XPO1: variants seen among roughly 807,000 people sequenced by gnomAD.
The protein encoded by XPO1 is exportin-1.
A neutral mutation model predicts 133.3 loss-of-function variants in XPO1; 5 were observed. The ratio of observed to expected loss-of-function variants is 0.04; its 90% confidence interval spans 0.02 to 0.08. XPO1 has a LOEUF of 0.08. XPO1 is among the 10% of genes least tolerant of loss of function. The pLI is 1.00. For synonymous variants in XPO1, 419 were observed against 408.2 expected (o/e 1.03, Z -0.32); for missense variants, 506 against 1,267.5 (o/e 0.40, Z 9.12).
At position 61,482,033 on chromosome 2, in the gene XPO1, C is replaced by CTTTTTTTTT. The variant is rs1491506588; in HGVS notation, c.2972+346_2972+347insAAAAAAAAA. Among the ~76,000 whole-genome samples, 386 of 86,776 alleles carry CTTTTTTTTT rather than the reference C, an allele frequency of 4.4e-3. 77 individuals carry two copies. Among genetic ancestry groups the CTTTTTTTTT allele is most frequent in the East Asian group, 0.029 (79 of 2,682 alleles). 56.9% of individuals were successfully genotyped at this position (86,776 alleles called of 152,430 possible). On this transcript the variant is annotated intron_variant, in intron 23 of 24. Coordinates refer to ENST00000401558, the MANE Select transcript of XPO1 (RefSeq NM_003400.4). ...TACAGTCATGAGCCACCGTGCGTGG[C>CTTTTTTTTT]CTTTTTTTTTTTTTTTTTTTTTTTG...
chr2:61,490,510 T>C, intron 17 of XPO1, 132 bp downstream of exon 17: 1 of 1,298,958 alleles, frequency 7.7e-7, no homozygotes, highest in Non-Finnish European at 1.1e-6. Flanking sequence ...AGATAATAAA[T>C]TATAGAAAGA....
At chr2:61,502,746 TAAAAA>T (rs11365993) in intron 4 of XPO1, 1 of 150,580 alleles carries the variant, frequency 6.6e-6, no homozygotes, top group Non-Finnish European at 1.5e-5. Flanking sequence ...GAGCAAGACT[TAAAAA>T]AAAAAAATCA....
At chr2:61,528,283 G>A (rs904495044) in intron 2 of XPO1, among the ~76,000 whole-genome samples, 4 of 151,996 alleles carry the variant, frequency 2.6e-5, no homozygotes, top group African/African-American at 9.7e-5. Context: ...CACGGCATGT[G>A]TGTAAATTTC....
chr2:61,486,647 G>A (rs1027592382), intron 19 of XPO1, among the ~76,000 whole-genome samples: 1 of 151,966 alleles, frequency 6.6e-6, no homozygotes, highest in Non-Finnish European at 1.5e-5. Flanking sequence ...AGTAGAGACG[G>A]GGTGTTTCAC....
chr2:61,483,155 G>C, intron 21 of XPO1, 64 bp from the exon 22 acceptor site: 3 of 1,522,650 alleles, frequency 2.0e-6, no homozygotes, highest in Non-Finnish European at 2.6e-6. Flanking sequence ...ATAGTATTTA[G>C]CTCTTATCAA....
At chr2:61,488,450 T>G (rs1160313799) in intron 18 of XPO1, 138 bp downstream of exon 18, 4 of 1,155,532 alleles carry the variant, frequency 3.5e-6, no homozygotes, top group Non-Finnish European at 3.7e-6. Flanking sequence ...CACTTAACTG[T>G]TTTAAATATG....
At chr2:61,505,189 C>G (rs1697737260) in intron 4 of XPO1, among the ~76,000 whole-genome samples, 1 of 151,670 alleles carries the variant, frequency 6.6e-6, no homozygotes, top group Non-Finnish European at 1.5e-5. Context: ...TTTTCCTGGT[C>G]TCATTGTTGC....
chr2:61,529,816 A>T (rs551294857), intron 2 of XPO1, among the ~76,000 whole-genome samples: 46 of 152,256 alleles, frequency 3.0e-4, no homozygotes, highest in African/African-American at 1.1e-3. Context: ...CACACTCAAT[A>T]ACTTATATGG....
At chr2:61,528,353 G>A (rs980349842) in intron 2 of XPO1, among the ~76,000 whole-genome samples, 3 of 152,148 alleles carry the variant, frequency 2.0e-5, no homozygotes, top group Non-Finnish European at 1.5e-5. Context: ...AAATCTTTTA[G>A]GCTGGGCACG....
intron 4 of XPO1, among the ~76,000 whole-genome samples, chr2:61,514,101 C>A (rs187064658): frequency 6.6e-6 from 1 of 151,494 alleles, no homozygotes; most frequent in African/African-American, 2.4e-5. Context: ...ACAGGAGAAT[C>A]GCTTGAACCC....
At chr2:61,495,748 T>A in intron 10 of XPO1, 135 bp from the exon 11 acceptor site, 1 of 835,468 alleles carries the variant, frequency 1.2e-6, no homozygotes, top group Non-Finnish European at 1.6e-6. Flanking sequence ...CAAAGCTCAC[T>A]GCAGCCTCCA....
chr2:61,504,887 AT>A (rs1223077584), intron 4 of XPO1, among the ~76,000 whole-genome samples: 4 of 152,266 alleles, frequency 2.6e-5, no homozygotes, highest in Non-Finnish European at 5.9e-5. Context: ...TACGAAAAAA[AT>A]ATTACTAATG....
At position 61,481,507 on chromosome 2, in the gene XPO1, G is replaced by A. The variant is rs1696355504; in HGVS notation, c.2973-226C>T. Among the ~76,000 whole-genome samples the A allele has an allele frequency of 2.0e-5, 3 of 151,958 alleles. No homozygotes were observed. In the Middle Eastern group the frequency reaches 0.01, roughly 517 times the overall value. ...CAAAGTTTTGCTCGTTTACCAGGTT[G>A]GAGTACAATCGCACAATCGCGGCTC... On this transcript the variant is annotated intron_variant, in intron 23 of 24. Coordinates refer to ENST00000401558, the MANE Select transcript of XPO1 (RefSeq NM_003400.4).
chr2:61,497,218 A>G (rs1355388246), intron 9 of XPO1, among the ~76,000 whole-genome samples: 1 of 152,064 alleles, frequency 6.6e-6, no homozygotes, highest in Admixed American at 6.6e-5. Flanking sequence ...TTAGGAGCAA[A>G]CTTTTTTTGT....
chr2:61,498,711 T>C lies in XPO1; in HGVS notation c.721A>G (p.Ile241Val). 6.2e-7 allele frequency: 1 copy of C among 1,614,068 alleles called. No individual in the cohort carries two copies. Among genetic ancestry groups the C allele is most frequent in the Non-Finnish European group, 8.5e-7 (1 of 1,180,000 alleles). Residue 241 changes from isoleucine to valine, a missense_variant, in exon 9 of 25, where the codon ATT (isoleucine) becomes GTT (valine). Ile to Val is a conservative substitution (Grantham distance 29). Around this residue, in one of 6 missense-constraint regions of XPO1, gnomAD observed 134 missense variants for 261.6 expected, o/e 0.51. Coordinates refer to ENST00000401558, the MANE Select transcript of XPO1 (RefSeq NM_003400.4). Reference sequence around the variant, plus strand: ...GTGCTGATTAATTTGGTCTCAAAAATATATCCCAGGGGAATCCAGTTCAGA... The same window carrying C: ...GTGCTGATTAATTTGGTCTCAAAAACATATCCCAGGGGAATCCAGTTCAGA... ...RFLNWIPLGY[I>V]FETKLISTLI... is the part of the protein sequence containing the mutation.
At chr2:61,483,561 G>C (rs1044673383) in intron 21 of XPO1, 1 of 182,780 alleles carries the variant, frequency 5.5e-6, no homozygotes, top group African/African-American at 2.4e-5. Flanking sequence ...AATAAAAAAA[G>C]AACCTCATGA....
At chr2:61,509,041 C>G (rs1398065834) in intron 4 of XPO1, among the ~76,000 whole-genome samples, 1 of 152,108 alleles carries the variant, frequency 6.6e-6, no homozygotes. Flanking sequence ...ATTCTTGTGG[C>G]CCAGGCTGGA....
At chr2:61,483,795 G>T in intron 21 of XPO1, 142 bp downstream of exon 21, 2 of 934,858 alleles carry the variant, frequency 2.1e-6, no homozygotes, top group Non-Finnish European at 3.2e-6. Flanking sequence ...TGATTAAACT[G>T]CTTATAGGAT....
intron 16 of XPO1, among the ~76,000 whole-genome samples, chr2:61,491,097 C>T (rs891802319): frequency 1.5e-4 from 23 of 151,964 alleles, no homozygotes; most frequent in African/African-American, 4.8e-4. Context: ...TGCAGTGAGC[C>T]GAGATTGCAA....
Sources: gnomAD v4.1 joint callset for allele counts (sites outside exome capture counted in the v4.1 genomes callset) on GRCh38, gnomAD v4.1.1 for gene constraint, gnomAD v4.1.1 regional missense constraint, MANE v1.5 for transcripts, NCBI Gene and HGNC (gene_info 2026-07-23, HGNC 2026-07-21) for gene names.